The following CCT5 variants were observed in gnomAD, a reference collection of about 807,000 sequenced individuals.
CCT5 encodes the protein chaperonin containing TCP1 subunit 5.
CCT5 carries 6 observed loss-of-function variants against 55.0 expected under a neutral mutation model. The ratio of observed to expected loss-of-function variants is 0.11; its 90% CI spans 0.06 to 0.22. CCT5 has a LOEUF of 0.22. Ranked by LOEUF, CCT5 falls within the 10% of genes least tolerant of loss-of-function variation. The pLI, the probability that CCT5 is intolerant of heterozygous loss-of-function variation, is 1.00. For synonymous variants in CCT5, 231 were observed against 243.7 expected (o/e 0.95, Z 0.49); for missense variants, 560 against 694.6 (o/e 0.81, Z 2.18).
intron 9 of CCT5, 125 bp downstream of exon 9, chr5:10,262,743 G>A: frequency 9.8e-7 from 1 of 1,019,526 alleles, no homozygotes; most frequent in Non-Finnish European, 1.5e-6. Flanking sequence ...GGTGACAGGT[G>A]TTTTAATCTA....
At chr5:10,256,647 A>G (rs1745695730) in intron 4 of CCT5, among the ~76,000 whole-genome samples, 1 of 150,166 alleles carries the variant, frequency 6.7e-6, no homozygotes, top group African/African-American at 2.4e-5. Context: ...TGATCATGCC[A>G]CTGCACTCCA....
At chr5:10,257,111 T>C (rs1745722024) in intron 4 of CCT5, among the ~76,000 whole-genome samples, 1 of 152,182 alleles carries the variant, frequency 6.6e-6, no homozygotes, top group African/African-American at 2.4e-5. Context: ...TTGTGGTGGT[T>C]TTAGCAAAAA....
intron 6 of CCT5, among the ~76,000 whole-genome samples, chr5:10,259,227 T>C (rs1054304504): frequency 6.6e-6 from 1 of 152,218 alleles, no homozygotes; most frequent in Non-Finnish European, 1.5e-5. Context: ...TTTGGGTTCA[T>C]GAATACCTTA....
intron 4 of CCT5, among the ~76,000 whole-genome samples, chr5:10,257,644 T>C (rs1455582470): frequency 6.6e-6 from 1 of 152,200 alleles, no homozygotes; most frequent in Non-Finnish European, 1.5e-5. Flanking sequence ...TCTTGGAAAG[T>C]TTAAATGCCC....
intron 6 of CCT5, 99 bp from the exon 7 acceptor site, chr5:10,260,693 C>G: frequency 7.6e-7 from 1 of 1,312,562 alleles, no homozygotes; most frequent in East Asian, 2.3e-5. Context: ...TTGAGTGCAC[C>G]TGCCTTACAC....
At chr5:10,259,315 C>G (rs542666738) in intron 6 of CCT5, among the ~76,000 whole-genome samples, 1 of 152,290 alleles carries the variant, frequency 6.6e-6, no homozygotes, top group Admixed American at 6.5e-5. Context: ...CACCAGTACT[C>G]AAGAAGACAG....
At chr5:10,261,177 C>G (rs1745941332) in intron 7 of CCT5, 5 of 519,282 alleles carry the variant, frequency 9.6e-6, no homozygotes. Flanking sequence ...GGCTGGAAGA[C>G]CTGGTCTCAT....
intron 8 of CCT5, chr5:10,261,962 T>TATAC (rs1745984965): frequency 1.8e-6 from 1 of 563,156 alleles, no homozygotes; most frequent in Admixed American, 3.0e-5. Context: ...GAGTATACAA[T>TATAC]ATACACTATG....
intron 1 of CCT5, chr5:10,250,841 C>T (rs754185862): frequency 1.2e-5 from 13 of 1,065,060 alleles, no homozygotes; most frequent in Admixed American, 5.1e-5. Flanking sequence ...GCTGCTTAAC[C>T]TTTCGCTGGT....
chr5:10,254,783 G>A lies in CCT5; in HGVS notation c.276G>A (p.Val92=), dbSNP rs1350933587. The A allele has an allele frequency of 6.2e-7, 1 of 1,613,982 alleles. No individual in the cohort carries two copies. The highest frequency in any genetic ancestry group is 8.5e-7 in the Non-Finnish European group (1 of 1,179,862). ...ATCATCAGATTGCCAAGCTGATGGT[G>A]GAACTGTCCAAGTCTCAGGATGATG... The part of the protein sequence containing the change: ...DVDHQIAKLM[V]ELSKSQDDEI... Residue 92 remains valine, a synonymous_variant, in exon 3 of 11, where the codon GTG becomes GTA. Transcript: ENST00000280326.
rs755951422 is a variant in CCT5 at position 10,263,280 on chromosome 5, T to C, written c.1464T>C (p.Ala488=). ...RARQVKEMNP[A]LGIDCLHKGT... is the part of the protein sequence containing the mutation. The stretch of plus-strand genomic sequence containing the variant: ...GACAGGTGAAGGAGATGAACCCTGC[T>C]CTTGGCATCGACTGTTTGCACAAGG... The change falls in exon 10 of 11, where the codon GCT becomes GCC. Residue 488 remains alanine, a synonymous_variant. Transcript: ENST00000280326. The C allele has an allele frequency of 6.2e-7, 1 of 1,608,010 alleles. No homozygotes were observed. The highest frequency in any genetic ancestry group is 1.7e-5 in the Admixed American group (1 of 59,846).
At position 10,254,389 on chromosome 5, in the gene CCT5, G is replaced by T. The variant is rs999286656; in HGVS notation, c.166+184G>T. 3.1e-5 allele frequency: 18 copies of T among 582,368 alleles called. 1 individual carries two copies. The highest frequency in any genetic ancestry group is 1.7e-4 in the East Asian group (6 of 35,854). The allele number at this position is 582,368 out of a possible 1,614,324, so 36.1% of individuals were successfully genotyped here. On this transcript the variant is annotated intron_variant, in intron 2 of 10. Transcript: ENST00000280326. Reference sequence around the variant, plus strand: ...TATAATCGTGTGCAATATTAGGTCGGACCTTTTTTTTTTTTTTTTTAGCAT... The same window carrying T: ...TATAATCGTGTGCAATATTAGGTCGTACCTTTTTTTTTTTTTTTTTAGCAT...
Position 10,258,001 on chromosome 5 carries a change from A to G in CCT5, c.531-110A>G, listed in dbSNP as rs59714396. The G allele has an allele frequency of 1.6e-3, 1,849 of 1,145,792 alleles. 24 individuals carry two copies. The African/African-American group carries it at 0.025, about 16-fold the overall frequency. The allele number at this position is 1,145,792 out of a possible 1,614,324, so 71.0% of individuals were successfully genotyped here. On this transcript the variant is annotated intron_variant, in intron 4 of 10. Transcript: ENST00000280326. Reference sequence around the variant, plus strand: ...TTGAGATGGCATTCCCCTCTAGAAGACTCAAAACATCGTTTGATTTATATC... The same window carrying G: ...TTGAGATGGCATTCCCCTCTAGAAGGCTCAAAACATCGTTTGATTTATATC...
chr5:10,254,384 G>C lies in CCT5; in HGVS notation c.166+179G>C. ...ATGGTTATAATCGTGTGCAATATTAGGTCGGACCTTTTTTTTTTTTTTTTT... is the reference window on the plus strand; with the variant it reads ...ATGGTTATAATCGTGTGCAATATTACGTCGGACCTTTTTTTTTTTTTTTTT... On this transcript the variant is annotated intron_variant, in intron 2 of 10. Transcript: ENST00000280326. 5.0e-6 allele frequency: 3 copies of C among 594,148 alleles called. No homozygotes were observed. The South Asian group carries it at 6.1e-5, about 12-fold the overall frequency. The allele number at this position is 594,148 out of a possible 1,614,324, so 36.8% of individuals were successfully genotyped here. A position where few individuals can be genotyped will look rare whatever the true frequency, so the allele number is the denominator to read the frequency against.
rs777977044 is a variant in CCT5 at position 10,263,341 on chromosome 5, G to GGC, written c.1498+27_1498+28insGC. 451 of 1,589,230 alleles carry GGC rather than the reference G, an allele frequency of 2.8e-4. 5 individuals are homozygous for GGC. The South Asian group carries it at 4.7e-3, about 16-fold the overall frequency. ...TGAGGAGCTGTCACGCCTCTGCGTG[G>GGC]AGGGGGGGGGATGTCTGATTTAAAC... On this transcript the variant is annotated intron_variant, in intron 10 of 10. Coordinates refer to ENST00000280326, the MANE Select transcript of CCT5 (RefSeq NM_012073.5).
chr5:10,254,663 T>C lies in CCT5; in HGVS notation c.167-11T>C. On this transcript the variant is annotated splice_polypyrimidine_tract_variant and intron_variant, in intron 2 of 10. Coordinates refer to ENST00000280326, the MANE Select transcript of CCT5 (RefSeq NM_012073.5). Reference sequence around the variant, plus strand: ...TTTTTTGCGCAAAGCCTACTAAACGTTGTTTTTTAGGGCTTGATAAGATGA... The same window carrying C: ...TTTTTTGCGCAAAGCCTACTAAACGCTGTTTTTTAGGGCTTGATAAGATGA... 1 of 1,613,644 alleles carries C rather than the reference T, an allele frequency of 6.2e-7. No homozygotes were observed. Among genetic ancestry groups the C allele is most frequent in the Non-Finnish European group, 8.5e-7 (1 of 1,179,648 alleles).
rs1745969480 is a variant in CCT5, at chr5:10,261,669, A to G, written c.1103A>G (p.Lys368Arg). The G allele has an allele frequency of 6.2e-7, 1 of 1,614,124 alleles. No individual in the cohort carries two copies. Among genetic ancestry groups the G allele is most frequent in the South Asian group, 1.1e-5 (1 of 91,078 alleles). Residue 368 changes from lysine (K) to arginine (R), a missense_variant, in exon 8 of 11, where the codon AAG (lysine) becomes AGG (arginine). This residue lies in a region of CCT5 where 256 missense variants were observed against 372.4 expected (regional missense o/e 0.69). Transcript: ENST00000280326. The part of the protein sequence containing the change: ...LVQEISFGTT[K>R]DKMLVIEQCK... ...CAGGAGATCTCATTTGGGACAACTA[A>G]GGATAAAATGCTGGTCATCGAGCAG...
chr5:10,263,433 G>A, intron 10 of CCT5, 119 bp downstream of exon 10: 2 of 923,016 alleles, frequency 2.2e-6, no homozygotes, highest in Non-Finnish European at 3.3e-6. Context: ...GCCCACTTCA[G>A]GTGTTCAAGT....
chr5:10,251,668 ACTT>A (rs1314534038), intron 1 of CCT5, among the ~76,000 whole-genome samples: 9 of 152,124 alleles, frequency 5.9e-5, no homozygotes, highest in African/African-American at 2.2e-4. Flanking sequence ...CAAGCTGAAG[ACTT>A]GACAGTGATA....
Sources: gnomAD v4.1 joint callset for allele counts (sites outside exome capture counted in the v4.1 genomes callset) on GRCh38, gnomAD v4.1.1 for gene constraint, gnomAD v4.1.1 regional missense constraint, MANE v1.5 for transcripts, NCBI Gene and HGNC (gene_info 2026-07-23, HGNC 2026-07-21) for gene names.